The following AP3D1 variants were observed in gnomAD, a reference collection of about 807,000 sequenced individuals.
AP3D1 encodes adaptor related protein complex 3 subunit delta 1, also known as AP-3 complex subunit delta-1.
Under a neutral mutation model 147.6 loss-of-function variants are expected in AP3D1, and 51 were observed. The observed-to-expected ratio is 0.35, with a 90% CI of 0.28 to 0.44. The LOEUF is 0.44. AP3D1 is among the 20% of genes least tolerant of loss of function. The probability of loss-of-function intolerance (pLI) is 1.00; values close to 1 mark genes in which losing one functional copy is unlikely to be tolerated. For missense variants in AP3D1, 1,421 were observed against 1,624.2 expected (o/e 0.87, Z 2.15); for synonymous variants, 760 against 663.0 (o/e 1.15, Z -2.25).
chr19:2,164,525 C>G (rs1261134325), upstream of AP3D1: 1 of 289,450 alleles, frequency 3.5e-6, no homozygotes. Flanking sequence ...GTTGCCCCCG[C>G]CGGGCTGTCC....
In AP3D1 at chr19:2,113,289, C is replaced by A. The variant is rs1429572180; in HGVS notation, c.2679+47G>T. 3 of 1,092,392 alleles carry A rather than the reference C, an allele frequency of 2.7e-6. No homozygotes were observed. In the Admixed American group the frequency reaches 6.9e-5, roughly 25 times the overall value. The allele number at this position is 1,092,392 out of a possible 1,614,324, so 67.7% of individuals were successfully genotyped here. A position where few individuals can be genotyped will look rare whatever the true frequency, so the allele number is the denominator to read the frequency against. ...GCTCTTCCCTGAGTGCCAGGTATGA[C>A]CTCTGCAGACACCGAGGCTGGCACT... On this transcript the variant is annotated intron_variant, in intron 23 of 31. Transcript: ENST00000643116.
intron 2 of AP3D1, among the ~76,000 whole-genome samples, chr19:2,138,147 G>A (rs749263793): frequency 1.2e-4 from 18 of 152,228 alleles, no homozygotes; most frequent in Non-Finnish European, 2.4e-4. Context: ...CAGCATGGGG[G>A]ACCCTGGACG....
chr19:2,104,311 C>CTG (rs2018046649), intron 31 of AP3D1, among the ~76,000 whole-genome samples: 1 of 110,978 alleles, frequency 9.0e-6, no homozygotes, highest in Non-Finnish European at 1.9e-5. Context: ...CACCAACACG[C>CTG]AGACCCCAAC....
chr19:2,108,787 T>C, intron 30 of AP3D1, 21 bp from the exon 31 acceptor site: 1 of 1,555,604 alleles, frequency 6.4e-7, no homozygotes, highest in Non-Finnish European at 8.7e-7. Context: ...GCGGGCAGTG[T>C]TAGGCTTCCC....
intron 8 of AP3D1, 30 bp from the exon 9 acceptor site, chr19:2,127,231 G>A: frequency 6.2e-7 from 1 of 1,611,276 alleles, no homozygotes; most frequent in Non-Finnish European, 8.5e-7. Context: ...GAAGCGGCAT[G>A]AGGACTGGGG....
chr19:2,109,792 G>GT (rs1870565341), intron 29 of AP3D1, 81 bp downstream of exon 29: 2 of 1,358,270 alleles, frequency 1.5e-6, no homozygotes, highest in Admixed American at 1.7e-5. Context: ...AGAAGCCTCA[G>GT]TCCCCGGGGC....
chr19:2,123,907 CGGTCAGCACCAT>C lies in AP3D1; in HGVS notation c.857-40_857-29del, dbSNP rs1312101846. 2.0e-5 allele frequency: 31 copies of C among 1,562,260 alleles called. No individual in the cohort carries two copies. The East Asian group carries it at 4.8e-4, about 24-fold the overall frequency. ...GCAACAGACAGCTTGGTCAGCACCACGGTCAGCACCATGGCCAGCGCCGACACCAACTCAGGG... is the reference window on the plus strand; with the variant it reads ...GCAACAGACAGCTTGGTCAGCACCACGGCCAGCGCCGACACCAACTCAGGG... On this transcript the variant is annotated intron_variant, in intron 9 of 31. Transcript: ENST00000643116.
chr19:2,135,985 G>T (rs1212538143), intron 4 of AP3D1, among the ~76,000 whole-genome samples: 3 of 151,192 alleles, frequency 2.0e-5, no homozygotes, highest in African/African-American at 7.3e-5. Context: ...GACCCAAGGA[G>T]ACTCCCGCCC....
At chr19:2,128,280 AG>A (rs1216587689) in intron 8 of AP3D1, among the ~76,000 whole-genome samples, 2 of 152,094 alleles carry the variant, frequency 1.3e-5, no homozygotes, top group Non-Finnish European at 2.9e-5. Context: ...AGACCCACAA[AG>A]AAAACCCAAA....
chr19:2,144,659 GCACTTTGGGAGGCCGAGCAGAT>G (rs1271339492), intron 1 of AP3D1, among the ~76,000 whole-genome samples: 2 of 152,150 alleles, frequency 1.3e-5, no homozygotes, highest in African/African-American at 4.8e-5. Context: ...TGTAATCCCA[GCACTTTGGGAGGCCGAGCAGAT>G]CACTTGAGGT....
intron 9 of AP3D1, among the ~76,000 whole-genome samples, chr19:2,125,260 G>C (rs749762856): frequency 6.6e-6 from 1 of 152,178 alleles, no homozygotes; most frequent in East Asian, 1.9e-4. Flanking sequence ...ATTCACGCAT[G>C]CAAGATTTCA....
chr19:2,160,550 G>T (rs1363501474), intron 1 of AP3D1, among the ~76,000 whole-genome samples: 1 of 151,868 alleles, frequency 6.6e-6, no homozygotes, highest in Admixed American at 6.6e-5. Flanking sequence ...AAAAAAAAGT[G>T]GGCGGAGATA....
chr19:2,138,995 G>T (rs1450322451), intron 1 of AP3D1, among the ~76,000 whole-genome samples: 1 of 148,356 alleles, frequency 6.7e-6, no homozygotes, highest in African/African-American at 2.5e-5. Context: ...GGGAGGCAGA[G>T]GTTGCACTGA....
At chr19:2,131,628 C>T (rs1234491087) in intron 5 of AP3D1, among the ~76,000 whole-genome samples, 1 of 144,632 alleles carries the variant, frequency 6.9e-6, no homozygotes, top group African/African-American at 2.8e-5. Flanking sequence ...CAGCGCCCAT[C>T]GGCCACGATC....
At chr19:2,116,500 G>A in intron 17 of AP3D1, 105 bp downstream of exon 17, 5 of 1,415,386 alleles carry the variant, frequency 3.5e-6, no homozygotes, top group Non-Finnish European at 4.7e-6. Context: ...TGCCTCCACT[G>A]CCAGGGTCAG....
At chr19:2,157,682 T>TCCATCC (rs2019659879) in intron 1 of AP3D1, among the ~76,000 whole-genome samples, 2 of 102,390 alleles carry the variant, frequency 2.0e-5, no homozygotes, top group African/African-American at 7.7e-5. Flanking sequence ...CACCCACCCA[T>TCCATCC]CCATCCCCAT....
At chr19:2,124,872 G>C (rs1023771245) in intron 9 of AP3D1, among the ~76,000 whole-genome samples, 1 of 152,332 alleles carries the variant, frequency 6.6e-6, no homozygotes, top group Middle Eastern at 3.4e-3. Flanking sequence ...CTGGGAGGCA[G>C]AGGTTGCGGT....
In AP3D1 at chr19:2,129,175, G is replaced by A. The variant is rs538713990; in HGVS notation, c.733-12C>T. On this transcript the variant is annotated splice_polypyrimidine_tract_variant and intron_variant, in intron 7 of 31. Transcript: ENST00000643116. ...GTAAGAGCACCGAACTGTGGGGACA[G>A]CAGGGCCTCGGTCACCCGCAGGGAA... 5.6e-6 allele frequency: 9 copies of A among 1,606,612 alleles called. No individual in the cohort carries two copies. The highest frequency in any genetic ancestry group is 3.4e-5 in the Admixed American group (2 of 58,400).
Position 2,102,247 on chromosome 19 carries a change from C to T in AP3D1, c.3574G>A (p.Asp1192Asn), listed in dbSNP as rs757744074. Reference protein sequence around the residue: ...VKKGENSVSVDGKCSDSTLLS... With the variant: ...VKKGENSVSVNGKCSDSTLLS... ...AGCGTGGAGTCACTGCACTTCCCGT[C>T]GACTGAGACAGAGTTCTCACCCTGT... The change falls in exon 32 of 32, where the codon GAC becomes AAC. Residue 1192 changes from aspartate to asparagine, a missense_variant. Around this residue, in one of 6 missense-constraint regions of AP3D1, gnomAD observed 9 missense variants for 25.7 expected, o/e 0.35. Transcript: ENST00000643116. 31 of 1,613,628 alleles carry T rather than the reference C, an allele frequency of 1.9e-5. No homozygotes were observed. In the Admixed American group the frequency reaches 2.0e-4, roughly 10 times the overall value.
Sources: gnomAD v4.1 joint callset for allele counts (sites outside exome capture counted in the v4.1 genomes callset) on GRCh38, gnomAD v4.1.1 for gene constraint, gnomAD v4.1.1 regional missense constraint, MANE v1.5 for transcripts, NCBI Gene and HGNC (gene_info 2026-07-23, HGNC 2026-07-21) for gene names.